PAK2: variants seen among roughly 807,000 people sequenced by gnomAD.
The protein encoded by PAK2 is serine/threonine-protein kinase PAK 2.
PAK2 carries 21 observed loss-of-function variants against 65.9 expected under a neutral mutation model. The observed-to-expected ratio is 0.32, with a 90% CI of 0.23 to 0.46. PAK2 has a LOEUF of 0.46. Among genes scored for constraint, PAK2 ranks in the 20% least tolerant of loss-of-function variants. The pLI is 1.00. For missense variants in PAK2, 324 were observed against 642.6 expected, an observed-to-expected ratio of 0.50 and a Z score of 5.36; for synonymous variants, 204 against 219.7, an observed-to-expected ratio of 0.93 and a Z score of 0.63.
intron 13 of PAK2, among the ~76,000 whole-genome samples, chr3:196,824,581 G>A (rs915537452): frequency 6.6e-5 from 10 of 152,140 alleles, no homozygotes; most frequent in Non-Finnish European, 1.5e-4. Flanking sequence ...GCAGGGGATC[G>A]GGGGTAGAGA....
intron 2 of PAK2, among the ~76,000 whole-genome samples, chr3:196,792,492 C>T (rs1301490887): frequency 6.6e-6 from 1 of 152,156 alleles, no homozygotes; most frequent in East Asian, 1.9e-4. Context: ...GCATTCCCTT[C>T]CCTCTCACTG....
chr3:196,758,719 T>C (rs1486358), intron 1 of PAK2, among the ~76,000 whole-genome samples: 70,867 of 152,048 alleles, frequency 0.47, 16,980 homozygotes, highest in Non-Finnish European at 0.53. Flanking sequence ...TACCCTGGCA[T>C]GATCTCAGCT....
chr3:196,808,941 G>C (rs1444861039), intron 7 of PAK2, among the ~76,000 whole-genome samples: 1 of 145,976 alleles, frequency 6.9e-6, no homozygotes, highest in Non-Finnish European at 1.5e-5. Context: ...TGGAAGGATT[G>C]TTTTAAACAT....
At chr3:196,773,409 C>T (rs1265787058) in intron 1 of PAK2, among the ~76,000 whole-genome samples, 1 of 152,070 alleles carries the variant, frequency 6.6e-6, no homozygotes, top group East Asian at 1.9e-4. Flanking sequence ...TCATTTGGTA[C>T]TTTTCAGGCA....
rs1711606306 is a variant in PAK2 at position 196,820,315 on chromosome 3, T to C, written c.1154-56T>C. ...ATTAATTACATAATCTGAAGTGAAC[T>C]CTTCTGCTAAAACCATCCATGGAAG... On this transcript the variant is annotated intron_variant, in intron 12 of 14. Transcript: ENST00000327134. The surrounding 1 kb of genome is among the most constrained non-coding windows in gnomAD (Gnocchi z 4.6). 4.0e-6 allele frequency: 4 copies of C among 988,804 alleles called. No individual in the cohort carries two copies. The highest frequency in any genetic ancestry group is 2.1e-5 in the South Asian group (1 of 47,802). 61.3% of individuals were successfully genotyped at this position (988,804 alleles called of 1,614,324 possible). A position where few individuals can be genotyped will look rare whatever the true frequency, so the allele number is the denominator to read the frequency against.
At chr3:196,801,658 C>T (rs137947359) in intron 2 of PAK2, among the ~76,000 whole-genome samples, 2 of 151,856 alleles carry the variant, frequency 1.3e-5, no homozygotes, top group East Asian at 1.9e-4. Context: ...CATGATGAAA[C>T]CCTGTCTCTA....
At chr3:196,740,893 TTAAC>T (rs779987902) in intron 1 of PAK2, among the ~76,000 whole-genome samples, 3 of 150,524 alleles carry the variant, frequency 2.0e-5, no homozygotes, top group African/African-American at 5.0e-5. Flanking sequence ...ACTCAACCTT[TTAAC>T]TAATTCTTTA....
In PAK2 at chr3:196,818,152, G is replaced by A. The variant is rs886843993; in HGVS notation, c.1149G>A (p.Lys383=). The A allele has an allele frequency of 1.6e-5, 18 of 1,156,208 alleles. No individual in the cohort carries two copies. The highest frequency in any genetic ancestry group is 5.1e-5 in the Admixed American group (3 of 58,284). 71.6% of individuals were successfully genotyped at this position (1,156,208 alleles called of 1,614,324 possible). Residue 383 remains lysine (K), a synonymous_variant, in exon 12 of 15, where the codon AAG becomes AAA. Coordinates refer to ENST00000327134, the MANE Select transcript of PAK2 (RefSeq NM_002577.4). ...TTTTGGGAATGGAAGGATCTGTTAA[G>A]CTCAGTGAGTAACAAATGGACAATT... ...NVLLGMEGSV[K]LTDFGFCAQI...
intron 1 of PAK2, among the ~76,000 whole-genome samples, chr3:196,767,181 T>C (rs1304968195): frequency 6.6e-6 from 1 of 152,192 alleles, no homozygotes; most frequent in East Asian, 1.9e-4. Context: ...TTTATGGCTG[T>C]TTGAGTTACT....
intron 1 of PAK2, among the ~76,000 whole-genome samples, chr3:196,778,008 CA>C (rs1282157531): frequency 1.3e-5 from 2 of 152,152 alleles, no homozygotes; most frequent in South Asian, 2.1e-4. Flanking sequence ...TTGCGTCCCC[CA>C]GAGAAACTTG....
At chr3:196,793,420 A>G (rs1262589390) in intron 2 of PAK2, among the ~76,000 whole-genome samples, 1 of 152,090 alleles carries the variant, frequency 6.6e-6, no homozygotes, top group East Asian at 1.9e-4. Flanking sequence ...TGGCCTGGGG[A>G]AAAAAATACT....
chr3:196,746,734 C>T (rs549528352), intron 1 of PAK2, among the ~76,000 whole-genome samples: 51 of 151,362 alleles, frequency 3.4e-4, no homozygotes, highest in African/African-American at 1.2e-3. Context: ...CGCTTGAACC[C>T]GGGAGGCGGA....
chr3:196,780,416 C>G (rs1404389787), intron 1 of PAK2, among the ~76,000 whole-genome samples: 1 of 152,198 alleles, frequency 6.6e-6, no homozygotes, highest in East Asian at 1.9e-4. Context: ...TCACGTCTTA[C>G]GTGGATGGTG....
At chr3:196,814,318 TTTC>T (rs1382327232) in intron 10 of PAK2, 130 bp from the exon 11 acceptor site, 1 of 599,432 alleles carries the variant, frequency 1.7e-6, no homozygotes, top group Non-Finnish European at 3.0e-6. Flanking sequence ...GCTTTCCAGT[TTTC>T]TTCCTAACTC....
intron 1 of PAK2, among the ~76,000 whole-genome samples, chr3:196,746,150 A>G (rs372868028): frequency 2.6e-5 from 4 of 152,026 alleles, no homozygotes; most frequent in African/African-American, 9.7e-5. Flanking sequence ...TCTTTATTAC[A>G]TTGGCCTGAA....
rs1166898386 is a variant in PAK2 at position 196,775,469 on chromosome 3, G to A, written c.-21-7157G>A. Among the ~76,000 whole-genome samples the A allele has an allele frequency of 2.6e-5, 4 of 151,956 alleles. No homozygotes were observed. The East Asian group carries it at 7.7e-4, about 29-fold the overall frequency. On this transcript the variant is annotated intron_variant, in intron 1 of 14. Coordinates refer to ENST00000327134, the MANE Select transcript of PAK2 (RefSeq NM_002577.4). Reference sequence around the variant, plus strand: ...ACGATCTCGGCTCACTGCAAGCTCCGCCTCCCGGGTTCAAGCAATTCTCCT... The same window carrying A: ...ACGATCTCGGCTCACTGCAAGCTCCACCTCCCGGGTTCAAGCAATTCTCCT...
At chr3:196,815,284 A>G (rs1418935695) in intron 11 of PAK2, among the ~76,000 whole-genome samples, 2 of 151,848 alleles carry the variant, frequency 1.3e-5, no homozygotes, top group East Asian at 3.9e-4. Flanking sequence ...TGAGGTCAGG[A>G]GTTTTGAGAC....
chr3:196,781,438 A>T (rs970636518), intron 1 of PAK2, among the ~76,000 whole-genome samples: 1 of 152,190 alleles, frequency 6.6e-6, no homozygotes, highest in Non-Finnish European at 1.5e-5. Flanking sequence ...TCACTGAATT[A>T]GCCATGTAGC....
chr3:196,825,363 G>T (rs755489306), intron 13 of PAK2, among the ~76,000 whole-genome samples: 1 of 140,002 alleles, frequency 7.1e-6, no homozygotes, highest in Non-Finnish European at 1.5e-5. Context: ...AAATAAATAG[G>T]CCAGATGCAG....
Sources: gnomAD v4.1 joint callset for allele counts (sites outside exome capture counted in the v4.1 genomes callset) on GRCh38, gnomAD v4.1.1 for gene constraint, Gnocchi (gnomAD v3.1) non-coding constraint, MANE v1.5 for transcripts, NCBI Gene and HGNC (gene_info 2026-07-23, HGNC 2026-07-21) for gene names.